MRE11: variants seen among roughly 807,000 people sequenced by gnomAD.
The protein encoded by MRE11 is double-strand break repair protein MRE11.
In MRE11, 62 loss-of-function variants were observed where a neutral mutation model predicts 91.7. That is an observed-to-expected ratio of 0.68 (90% CI 0.55 to 0.84). The LOEUF is 0.84. Among genes scored for constraint, MRE11 ranks in the 40% least tolerant of loss-of-function variants. The pLI, the probability that MRE11 is intolerant of heterozygous loss-of-function variation, is 0.00. For missense variants in MRE11, 796 were observed against 852.9 expected, an observed-to-expected ratio of 0.93 and a Z score of 0.83; for synonymous variants, 273 against 271.4, an observed-to-expected ratio of 1.01 and a Z score of -0.06.
intron 19 of MRE11, among the ~76,000 whole-genome samples, chr11:94,429,406 C>T (rs1447375136): frequency 2.6e-5 from 4 of 152,198 alleles, no homozygotes; most frequent in African/African-American, 9.7e-5. Context: ...CACTTACTCA[C>T]AGTAGCAAAG....
chr11:94,460,671 T>C (rs781062497), intron 12 of MRE11, among the ~76,000 whole-genome samples: 5 of 152,092 alleles, frequency 3.3e-5, no homozygotes, highest in Non-Finnish European at 7.4e-5. Flanking sequence ...AGTTTAATAA[T>C]TGCAACAGAG....
At chr11:94,468,624 G>C (rs921413054) in intron 9 of MRE11, among the ~76,000 whole-genome samples, 1 of 152,112 alleles carries the variant, frequency 6.6e-6, no homozygotes, top group East Asian at 1.9e-4. Context: ...AAGTGTTTTT[G>C]TCCTCAGATT....
chr11:94,474,462 GAGA>G lies in MRE11; in HGVS notation c.659+1824_659+1826del, dbSNP rs542094842. Among the ~76,000 whole-genome samples, 540 of 151,596 alleles carry G rather than the reference GAGA, an allele frequency of 3.6e-3. 3 individuals carry two copies. Among genetic ancestry groups the G allele is most frequent in the African/African-American group, 0.012 (492 of 41,430 alleles). ...AATGACATAAATAAGTAAGTAAATA[GAGA>G]AGAAGGGACAAATTTTCCTTACAGA... On this transcript the variant is annotated intron_variant, in intron 7 of 19. Transcript: ENST00000323929.
At position 94,476,383 on chromosome 11, in the gene MRE11, G is replaced by A. The variant is rs1946856671; in HGVS notation, c.565C>T (p.Leu189Phe). 6 of 1,610,056 alleles carry A rather than the reference G, an allele frequency of 3.7e-6. No individual in the cohort carries two copies. Among genetic ancestry groups the A allele is most frequent in the Non-Finnish European group, 5.1e-6 (6 of 1,176,774 alleles). ...YGLGSIPDERLYRMFVNKKVT... is the reference protein window; with the variant it reads ...YGLGSIPDERFYRMFVNKKVT... ...TTTTTATTGACAAACATTCGATAGA[G>A]CCTTTCATCTGGAATGGATCCTGAA... The change falls in exon 7 of 20, where the codon CTC becomes TTC. Residue 189 changes from leucine to phenylalanine, a missense_variant. Coordinates refer to ENST00000323929, the MANE Select transcript of MRE11 (RefSeq NM_005591.4).
At chr11:94,448,359 T>C (rs535352483) in intron 14 of MRE11, among the ~76,000 whole-genome samples, 18 of 152,116 alleles carry the variant, frequency 1.2e-4, no homozygotes, top group African/African-American at 4.1e-4. Flanking sequence ...GATGGACTGC[T>C]TGAGATCAGG....
In MRE11 at chr11:94,419,453, C is replaced by T. The variant is rs199653893; in HGVS notation, c.*672G>A. ...CAAAGGAGAAAGGAAGAGTGGGGAA[C>T]GGGGGGGAGAGGGAGAGAGAGAGAG... On this transcript the variant is annotated 3_prime_UTR_variant, in exon 20 of 20. Coordinates refer to ENST00000323929, the MANE Select transcript of MRE11 (RefSeq NM_005591.4). The T allele has an allele frequency of 5.2e-5, 9 of 173,156 alleles. No homozygotes were observed. Among genetic ancestry groups the T allele is most frequent in the South Asian group, 3.0e-4 (1 of 3,288 alleles). 10.7% of individuals were successfully genotyped at this position (173,156 alleles called of 1,614,324 possible).
intron 9 of MRE11, 26 bp from the exon 10 acceptor site, chr11:94,467,919 A>C: frequency 6.3e-7 from 1 of 1,588,186 alleles, no homozygotes; most frequent in Non-Finnish European, 8.6e-7. Flanking sequence ...AAGATTAAAA[A>C]ACAACGTAGT....
the MRE11 span, chr11:94,499,265 A>T: frequency 6.5e-6 from 1 of 152,874 alleles, no homozygotes; most frequent in Admixed American, 6.5e-5. Flanking sequence ...GCACACAACT[A>T]TACCTTTGTC....
chr11:94,447,526 C>T lies in MRE11; in HGVS notation c.1564-88G>A, dbSNP rs1489656028. 6 of 1,304,042 alleles carry T rather than the reference C, an allele frequency of 4.6e-6. No individual in the cohort carries two copies. The African/African-American group carries it at 8.8e-5, about 19-fold the overall frequency. The allele number at this position is 1,304,042 out of a possible 1,614,324, so 80.8% of individuals were successfully genotyped here. The stretch of plus-strand genomic sequence containing the variant: ...AATTTAGGCATTGACATGAACTAAT[C>T]ATACTATAAAAACATAAAGGAGGCT... On this transcript the variant is annotated intron_variant, in intron 14 of 19. Transcript: ENST00000323929.
At chr11:94,496,513 G>T (rs1312970228), upstream of MRE11, 1 of 569,642 alleles carries the variant, frequency 1.8e-6, no homozygotes, top group Non-Finnish European at 3.0e-6. Context: ...TTTAGACAGG[G>T]TTTAATTGTA....
intron 19 of MRE11, among the ~76,000 whole-genome samples, chr11:94,422,897 G>A (rs1414881922): frequency 6.6e-6 from 1 of 152,078 alleles, no homozygotes; most frequent in East Asian, 1.9e-4. Context: ...ATTTTCAGTA[G>A]AGACGGGGTT....
chr11:94,439,726 C>T (rs374445310), intron 16 of MRE11, among the ~76,000 whole-genome samples: 17 of 152,170 alleles, frequency 1.1e-4, no homozygotes, highest in South Asian at 2.1e-4. Flanking sequence ...CTCAAAATAA[C>T]GCAATGAGGT....
intron 19 of MRE11, among the ~76,000 whole-genome samples, chr11:94,421,954 A>C (rs1360471178): frequency 6.6e-6 from 1 of 152,212 alleles, no homozygotes; most frequent in Non-Finnish European, 1.5e-5. Context: ...AGTTTTGCAA[A>C]ATGAAAAAGT....
intron 4 of MRE11, chr11:94,483,877 A>C (rs2135113092): frequency 6.6e-6 from 1 of 152,260 alleles, no homozygotes; most frequent in East Asian, 1.9e-4. Context: ...TAAATAAATA[A>C]ATAAACATGA....
At chr11:94,506,142 C>T in the MRE11 span, among the ~76,000 whole-genome samples, 1 of 151,988 alleles carries the variant, frequency 6.6e-6, no homozygotes, top group South Asian at 2.1e-4. Flanking sequence ...GATAACCCAA[C>T]CATCCTGGAT....
chr11:94,423,167 T>C (rs893028523), intron 19 of MRE11, among the ~76,000 whole-genome samples: 9 of 152,112 alleles, frequency 5.9e-5, no homozygotes, highest in African/African-American at 1.4e-4. Context: ...CAAGAGCTGA[T>C]AGAGAGGTGA....
At chr11:94,461,678 T>A (rs1160719948) in intron 11 of MRE11, among the ~76,000 whole-genome samples, 3 of 152,154 alleles carry the variant, frequency 2.0e-5, no homozygotes, top group African/African-American at 7.2e-5. Context: ...AGTCAAATTG[T>A]CCCTGTTTGC....
At chr11:94,502,204 C>A in the MRE11 span, among the ~76,000 whole-genome samples, 1 of 152,196 alleles carries the variant, frequency 6.6e-6, no homozygotes, top group Non-Finnish European at 1.5e-5. Flanking sequence ...ACGGATTGCC[C>A]ATTGTCATGC....
chr11:94,476,492 A>C, intron 6 of MRE11, 89 bp from the exon 7 acceptor site: 2 of 837,076 alleles, frequency 2.4e-6, no homozygotes, highest in South Asian at 2.9e-5. Context: ...TGTCCTTCTC[A>C]AAGTATTTCA....
Sources: gnomAD v4.1 joint callset for allele counts (sites outside exome capture counted in the v4.1 genomes callset) on GRCh38, gnomAD v4.1.1 for gene constraint, MANE v1.5 for transcripts, NCBI Gene and HGNC (gene_info 2026-07-23, HGNC 2026-07-21) for gene names.